The following EXOC4 variants were observed in gnomAD, a reference collection of about 807,000 sequenced individuals.
EXOC4 encodes the protein SEC8-like 1.
In EXOC4, 71 loss-of-function variants were observed where a neutral mutation model predicts 107.2. That is an observed-to-expected ratio of 0.66 (90% CI 0.55 to 0.81). The LOEUF (loss-of-function observed/expected upper bound fraction) is 0.81, where lower values mean the gene tolerates loss of function less well. EXOC4 is among the 30% of genes least tolerant of loss of function. The pLI, the probability that EXOC4 is intolerant of heterozygous loss-of-function variation, is 0.00. For synonymous variants in EXOC4, 456 were observed against 441.2 expected, an observed-to-expected ratio of 1.03 and a Z score of -0.42; for missense variants, 1,108 against 1,189.6, an observed-to-expected ratio of 0.93 and a Z score of 1.01.
intron 10 of EXOC4, among the ~76,000 whole-genome samples, chr7:133,695,277 T>C (rs1794509484): frequency 6.6e-6 from 1 of 152,148 alleles, no homozygotes; most frequent in African/African-American, 2.4e-5. Context: ...TGCAGTTCTA[T>C]CTATGTTGTT....
intron 6 of EXOC4, among the ~76,000 whole-genome samples, chr7:133,366,119 A>G (rs373156851): frequency 6.6e-6 from 1 of 152,212 alleles, no homozygotes; most frequent in Admixed American, 6.5e-5. Context: ...GACTAATTCA[A>G]GGTTCCCTGG....
intron 14 of EXOC4, among the ~76,000 whole-genome samples, chr7:133,988,990 T>A (rs1794184275): frequency 6.6e-6 from 1 of 152,166 alleles, no homozygotes; most frequent in African/African-American, 2.4e-5. Flanking sequence ...TGACTCATAT[T>A]TAATTAGATA....
chr7:134,014,488 A>G (rs531718865), intron 17 of EXOC4, among the ~76,000 whole-genome samples: 1 of 152,354 alleles, frequency 6.6e-6, no homozygotes, highest in African/African-American at 2.4e-5. Context: ...TTATTTGGCC[A>G]CAGAAAGACA....
chr7:133,257,357 TACACACACGCAC>T (rs934859398), intron 1 of EXOC4, among the ~76,000 whole-genome samples: 4 of 136,696 alleles, frequency 2.9e-5, no homozygotes, highest in African/African-American at 9.4e-5. Flanking sequence ...TTGGATGGTT[TACACACACGCAC>T]ACACACACAC....
chr7:133,866,650 C>T (rs1798646749), intron 11 of EXOC4, among the ~76,000 whole-genome samples: 1 of 152,182 alleles, frequency 6.6e-6, no homozygotes, highest in South Asian at 2.1e-4. Flanking sequence ...TACTTTCCTT[C>T]TTCCAAAGTA....
At chr7:133,484,045 C>T (rs756357551) in intron 9 of EXOC4, 12 of 1,613,744 alleles carry the variant, frequency 7.4e-6, no homozygotes, top group East Asian at 2.2e-5. Context: ...TGCAGGGTAG[C>T]GGCGAAGAAA....
intron 9 of EXOC4, among the ~76,000 whole-genome samples, chr7:133,604,750 G>GTC (rs1185904447): frequency 1.3e-5 from 1 of 79,202 alleles, no homozygotes; most frequent in African/African-American, 4.8e-5. Context: ...TTGAGGCAGA[G>GTC]TCTCTCTCTG....
intron 7 of EXOC4, among the ~76,000 whole-genome samples, chr7:133,457,488 C>T (rs1798489957): frequency 6.6e-6 from 1 of 152,176 alleles, no homozygotes; most frequent in Middle Eastern, 3.2e-3. Flanking sequence ...TCAGCACACC[C>T]ATCTTCCTTA....
chr7:134,060,363 A>G (rs113641154), intron 17 of EXOC4, among the ~76,000 whole-genome samples: 776 of 152,324 alleles, frequency 5.1e-3, no homozygotes, highest in East Asian at 0.028. Flanking sequence ...CTAGCAATTG[A>G]CTGCTGAATA....
intron 14 of EXOC4, among the ~76,000 whole-genome samples, chr7:133,977,365 A>C (rs1464860363): frequency 6.6e-6 from 1 of 152,242 alleles, no homozygotes; most frequent in Non-Finnish European, 1.5e-5. Flanking sequence ...GCAATTCATA[A>C]TGTGTTCAGT....
Position 133,447,879 on chromosome 7 carries a change from A to G in EXOC4, c.1183-27449A>G, listed in dbSNP as rs187437302. Among the ~76,000 whole-genome samples, 21 of 152,330 alleles carry G rather than the reference A, an allele frequency of 1.4e-4. No individual in the cohort carries two copies. In the East Asian group the frequency reaches 3.1e-3, roughly 22 times the overall value. On this transcript the variant is annotated intron_variant, in intron 7 of 17. Coordinates refer to ENST00000253861, the MANE Select transcript of EXOC4 (RefSeq NM_021807.4). ...AAGTCATTCAGTTTGAGTTTCAAAG[A>G]TGTGAAAAATTATTTCTGAAGTTCC...
intron 17 of EXOC4, 91 bp from the exon 18 acceptor site, chr7:134,064,200 G>C: frequency 1.3e-6 from 1 of 771,344 alleles, no homozygotes; most frequent in Non-Finnish European, 2.0e-6. Context: ...GAAGTAAGTA[G>C]AGGAATCAAT....
intron 3 of EXOC4, among the ~76,000 whole-genome samples, chr7:133,301,785 A>G (rs1447944703): frequency 6.6e-6 from 1 of 152,210 alleles, no homozygotes. Context: ...AGAAAAATAA[A>G]AAGATCAATA....
intron 9 of EXOC4, among the ~76,000 whole-genome samples, chr7:133,594,804 T>C (rs1801629362): frequency 6.6e-6 from 1 of 152,122 alleles, no homozygotes; most frequent in Non-Finnish European, 1.5e-5. Flanking sequence ...GTTTGAGTCT[T>C]TTTAAGCCTA....
chr7:133,395,879 T>G (rs1195202876), intron 7 of EXOC4, among the ~76,000 whole-genome samples: 2 of 152,194 alleles, frequency 1.3e-5, no homozygotes, highest in Admixed American at 1.3e-4. Flanking sequence ...TTTGTTTTTT[T>G]TCTTTACAGC....
At position 133,568,427 on chromosome 7, in the gene EXOC4, C is replaced by T. The variant is rs187806413; in HGVS notation, c.1418-61618C>T. On this transcript the variant is annotated intron_variant, in intron 9 of 17. Coordinates refer to ENST00000253861, the MANE Select transcript of EXOC4 (RefSeq NM_021807.4). ...TTGTGACACAGTTATAAAAGACTTCCACCAGCTGAGGTTATAAATGAGGAA... is the reference window on the plus strand; with the variant it reads ...TTGTGACACAGTTATAAAAGACTTCTACCAGCTGAGGTTATAAATGAGGAA... Among the ~76,000 whole-genome samples, 731 of 152,244 alleles carry T rather than the reference C, an allele frequency of 4.8e-3. 5 individuals carry two copies. The highest frequency in any genetic ancestry group is 0.017 in the African/African-American group (709 of 41,554).
chr7:133,996,215 A>G (rs1038740923), intron 14 of EXOC4, among the ~76,000 whole-genome samples: 5 of 152,214 alleles, frequency 3.3e-5, no homozygotes, highest in African/African-American at 1.2e-4. Flanking sequence ...GCCTACATTA[A>G]TTCATTTAAC....
intron 11 of EXOC4, among the ~76,000 whole-genome samples, chr7:133,884,581 C>CTGTGTGTGTGTGTGTGTGTG (rs34350149): frequency 6.3e-5 from 9 of 143,630 alleles, no homozygotes; most frequent in African/African-American, 2.1e-4. Context: ...GCCCTATGCT[C>CTGTGTGTGTGTGTGTGTGTG]TGTGTGTGTG....
At chr7:133,276,343 T>G (rs1793990804) in intron 2 of EXOC4, among the ~76,000 whole-genome samples, 1 of 152,206 alleles carries the variant, frequency 6.6e-6, no homozygotes. Flanking sequence ...AGCTGTATTT[T>G]TGAGATCACT....
Sources: gnomAD v4.1 joint callset for allele counts (sites outside exome capture counted in the v4.1 genomes callset) on GRCh38, gnomAD v4.1.1 for gene constraint, MANE v1.5 for transcripts, NCBI Gene and HGNC (gene_info 2026-07-23, HGNC 2026-07-21) for gene names.